Variants in DCLK1 observed in about 807,000 individuals in gnomAD.
DCLK1 encodes the protein doublecortin like kinase 1, also known as serine/threonine-protein kinase DCLK1.
DCLK1 carries 16 observed loss-of-function variants against 86.2 expected under a neutral mutation model. The ratio of observed to expected loss-of-function variants is 0.19; its 90% confidence interval spans 0.13 to 0.28. The LOEUF (loss-of-function observed/expected upper bound fraction) is 0.28, where lower values mean the gene tolerates loss of function less well. Ranked by LOEUF, DCLK1 falls within the 10% of genes least tolerant of loss-of-function variation. DCLK1 has a pLI of 1.00. For synonymous variants in DCLK1, 369 were observed against 370.5 expected, an observed-to-expected ratio of 1.00 and a Z score of 0.05; for missense variants, 590 against 940.2, an observed-to-expected ratio of 0.63 and a Z score of 4.87.
At chr13:35,899,379 G>C (rs1050043984) in intron 4 of DCLK1, among the ~76,000 whole-genome samples, 1 of 151,480 alleles carries the variant, frequency 6.6e-6, no homozygotes, top group African/African-American at 2.4e-5. Flanking sequence ...GAGAGAGAGA[G>C]AGAGAGAGAG....
chr13:35,830,373 A>G (rs1230177201), intron 8 of DCLK1, among the ~76,000 whole-genome samples: 1 of 152,206 alleles, frequency 6.6e-6, no homozygotes, highest in Non-Finnish European at 1.5e-5. Flanking sequence ...CCTGGGCGAC[A>G]GAGAAATTTA....
At chr13:35,823,519 A>G (rs1172890791) in intron 10 of DCLK1, among the ~76,000 whole-genome samples, 13 of 152,112 alleles carry the variant, frequency 8.5e-5, no homozygotes, top group Non-Finnish European at 2.9e-5. Flanking sequence ...AGGAGGGAGG[A>G]AGGGGGGGAA....
intron 5 of DCLK1, among the ~76,000 whole-genome samples, chr13:35,861,807 ACGAGGTCAGAAGAT>A (rs964847886): frequency 2.3e-4 from 33 of 142,670 alleles, no homozygotes; most frequent in African/African-American, 7.7e-4. Context: ...CAGGTAGATC[ACGAGGTCAGAAGAT>A]CGAGACCACC....
At position 35,890,151 on chromosome 13, in the gene DCLK1, A is replaced by G. The variant is rs73518626; in HGVS notation, c.824-18811T>C. Among the ~76,000 whole-genome samples the G allele has an allele frequency of 8.6e-3, 1,310 of 152,256 alleles. 25 individuals are homozygous for G. The highest frequency in any genetic ancestry group is 0.03 in the African/African-American group (1,240 of 41,554). On this transcript the variant is annotated intron_variant, in intron 4 of 16. Coordinates refer to ENST00000360631, the MANE Select transcript of DCLK1 (RefSeq NM_001330071.2). ...ATCTTAGAATTAATTTAAATAATAT[A>G]TAAGAGGATAAAGTAAAAACTCTCT...
At chr13:35,887,746 C>T (rs1033852302) in intron 4 of DCLK1, among the ~76,000 whole-genome samples, 5 of 151,638 alleles carry the variant, frequency 3.3e-5, no homozygotes. Flanking sequence ...CAGAGTTATA[C>T]CAATAAAAAT....
chr13:35,849,129 T>A (rs1278855501), intron 6 of DCLK1: 2 of 985,254 alleles, frequency 2.0e-6, no homozygotes, highest in East Asian at 2.3e-4. Flanking sequence ...AGTTTTCAAA[T>A]GCTGTTAGAT....
chr13:35,849,368 A>T (rs1244213897), intron 6 of DCLK1: 24 of 985,252 alleles, frequency 2.4e-5, no homozygotes, highest in Non-Finnish European at 2.9e-5. Flanking sequence ...TGAAAAAAAA[A>T]ATCATGTAAA....
intron 3 of DCLK1, among the ~76,000 whole-genome samples, chr13:36,079,871 T>C (rs1884358234): frequency 6.6e-6 from 1 of 152,226 alleles, no homozygotes; most frequent in South Asian, 2.1e-4. Flanking sequence ...AGCTGTACCT[T>C]ACCCAATGCT....
At chr13:35,961,069 A>G (rs1878432315) in intron 3 of DCLK1, among the ~76,000 whole-genome samples, 2 of 152,232 alleles carry the variant, frequency 1.3e-5, no homozygotes, top group South Asian at 4.1e-4. Context: ...AGCATATAAT[A>G]GAGGTTTTGA....
chr13:36,126,507 T>TC (rs1886194466), intron 1 of DCLK1, among the ~76,000 whole-genome samples: 1 of 152,106 alleles, frequency 6.6e-6, no homozygotes, highest in Non-Finnish European at 1.5e-5. Context: ...CAAGTGATCC[T>TC]CCCCCGCCCC....
At chr13:36,101,393 T>G (rs1325712915) in intron 3 of DCLK1, among the ~76,000 whole-genome samples, 1 of 152,222 alleles carries the variant, frequency 6.6e-6, no homozygotes, top group Non-Finnish European at 1.5e-5. Context: ...AAATTGCTGC[T>G]GGCAATCATA....
Position 35,848,027 on chromosome 13 carries a change from A to G in DCLK1, c.1035+6472T>C, listed in dbSNP as rs182902616. On this transcript the variant is annotated intron_variant, in intron 6 of 16. Transcript: ENST00000360631. ...TCTAAAATGCTGAAAGCAGGGAAAT[A>G]TTCCTAATATCTTTTTCTACAATGT... 6.1e-6 allele frequency: 6 copies of G among 985,308 alleles called. No homozygotes were observed. In the East Asian group the frequency reaches 6.8e-4, roughly 112 times the overall value. The allele number at this position is 985,308 out of a possible 1,614,324, so 61.0% of individuals were successfully genotyped here.
chr13:36,038,357 C>T (rs1882582631), intron 3 of DCLK1, among the ~76,000 whole-genome samples: 1 of 152,098 alleles, frequency 6.6e-6, no homozygotes, highest in Admixed American at 6.6e-5. Flanking sequence ...GGAATGAGAG[C>T]CTCCCAGGGG....
chr13:35,792,313 A>G (rs552684954), intron 16 of DCLK1, among the ~76,000 whole-genome samples: 1 of 152,318 alleles, frequency 6.6e-6, no homozygotes, highest in African/African-American at 2.4e-5. Context: ...TCAAATACTC[A>G]GTAACCCAGA....
In DCLK1 at chr13:35,974,065, A is replaced by AAAATAG. The variant is rs1404362958; in HGVS notation, c.724-26614_724-26609dup. ...TTACTAAGTAGCAAATAGACATATA[A>AAAATAG]AAATAGAAATAGAAAATAAAACAAA... On this transcript the variant is annotated intron_variant, in intron 3 of 16. Transcript: ENST00000360631. Among the ~76,000 whole-genome samples the AAAATAG allele has an allele frequency of 1.1e-4, 16 of 152,226 alleles. 1 individual carries two copies. The highest frequency in any genetic ancestry group is 2.4e-5 in the African/African-American group (1 of 41,452).
intron 3 of DCLK1, among the ~76,000 whole-genome samples, chr13:35,994,557 T>A (rs200354759): frequency 0.014 from 2,140 of 151,922 alleles, 28 homozygotes; most frequent in Non-Finnish European, 0.021. Context: ...ATACTAAAAA[T>A]AAAAAAAAGG....
intron 3 of DCLK1, among the ~76,000 whole-genome samples, chr13:36,044,551 A>G (rs1882807991): frequency 6.6e-6 from 1 of 152,304 alleles, no homozygotes; most frequent in African/African-American, 2.4e-5. Context: ...AATGTTTAAC[A>G]TATCTCAAGA....
Position 36,052,658 on chromosome 13 carries a change from C to T in DCLK1, c.723+59211G>A, listed in dbSNP as rs11618702. 7.2e-5 allele frequency among the ~76,000 whole-genome samples: 11 copies of T among 152,168 alleles called. No individual in the cohort carries two copies. The East Asian group carries it at 7.7e-4, about 11-fold the overall frequency. ...CTGAAAACATGAGAAGTAAAGGAGA[C>T]GTATTCAAATTGCTGTGAAATTGAA... On this transcript the variant is annotated intron_variant, in intron 3 of 16. Transcript: ENST00000360631.
At chr13:35,977,036 T>A (rs757170849) in intron 3 of DCLK1, among the ~76,000 whole-genome samples, 2 of 152,142 alleles carry the variant, frequency 1.3e-5, no homozygotes, top group Non-Finnish European at 2.9e-5. Flanking sequence ...TCAGAAATAA[T>A]TCAAAAAGCT....
Sources: gnomAD v4.1 joint callset for allele counts (sites outside exome capture counted in the v4.1 genomes callset) on GRCh38, gnomAD v4.1.1 for gene constraint, MANE v1.5 for transcripts, NCBI Gene and HGNC (gene_info 2026-07-23, HGNC 2026-07-21) for gene names.